The following NELL2 variants were observed in gnomAD, a reference collection of about 807,000 sequenced individuals.
NELL2 encodes the protein neural EGFL like 2.
Under a neutral mutation model 109.6 loss-of-function variants are expected in NELL2, and 41 were observed. The ratio of observed to expected loss-of-function variants is 0.37; its 90% CI spans 0.29 to 0.49. The LOEUF (loss-of-function observed/expected upper bound fraction) is 0.49. NELL2 is among the 20% of genes least tolerant of loss of function. The probability of loss-of-function intolerance (pLI) is 0.98; values close to 1 mark genes in which losing one functional copy is unlikely to be tolerated. For missense variants in NELL2, 900 were observed against 1,008.3 expected (o/e 0.89, Z 1.45); for synonymous variants, 355 against 344.7 (o/e 1.03, Z -0.33).
chr12:44,892,248 G>T (rs933315072), intron 1 of NELL2, among the ~76,000 whole-genome samples: 6 of 152,200 alleles, frequency 3.9e-5, no homozygotes, highest in African/African-American at 1.4e-4. Flanking sequence ...AGGTAGAAAT[G>T]CCATCAGAGT....
intron 12 of NELL2, among the ~76,000 whole-genome samples, chr12:44,702,400 G>A (rs945026596): frequency 4.6e-5 from 7 of 151,922 alleles, no homozygotes; most frequent in East Asian, 1.9e-4. Flanking sequence ...TTACATGATC[G>A]AATATACTTA....
At chr12:44,742,642 C>T (rs565794525) in intron 9 of NELL2, among the ~76,000 whole-genome samples, 1 of 152,146 alleles carries the variant, frequency 6.6e-6, no homozygotes, top group East Asian at 1.9e-4. Flanking sequence ...AACCAAGACA[C>T]TACGTGACAA....
intron 2 of NELL2, among the ~76,000 whole-genome samples, chr12:44,824,505 T>C (rs1354909637): frequency 2.0e-5 from 3 of 152,052 alleles, no homozygotes; most frequent in African/African-American, 7.2e-5. Flanking sequence ...TTGAAGAGAC[T>C]GTCCTTTCCC....
intron 9 of NELL2, among the ~76,000 whole-genome samples, chr12:44,740,870 T>C (rs1008228765): frequency 9.8e-5 from 15 of 152,332 alleles, no homozygotes; most frequent in Middle Eastern, 6.8e-3. Flanking sequence ...ACATGGGTAA[T>C]AGATAAAACT....
chr12:44,762,351 C>T (rs1465841315), intron 9 of NELL2, among the ~76,000 whole-genome samples: 2 of 152,164 alleles, frequency 1.3e-5, no homozygotes, highest in Non-Finnish European at 2.9e-5. Context: ...TCATCCTCAA[C>T]TCCTCTCTTT....
chr12:44,665,632 G>A, intron 12 of NELL2, 23 bp from the exon 13 acceptor site: 1 of 1,604,826 alleles, frequency 6.2e-7, no homozygotes, highest in Non-Finnish European at 8.5e-7. Context: ...ACAGGACAAA[G>A]AGGTCAACAG....
At chr12:44,750,527 A>G (rs1013174623) in intron 9 of NELL2, among the ~76,000 whole-genome samples, 3 of 152,156 alleles carry the variant, frequency 2.0e-5, no homozygotes. Flanking sequence ...AAGGATTACC[A>G]AGGCTAAAAT....
intron 13 of NELL2, among the ~76,000 whole-genome samples, chr12:44,664,134 TATA>T (rs1439002415): frequency 6.6e-6 from 1 of 152,138 alleles, no homozygotes; most frequent in Non-Finnish European, 1.5e-5. Context: ...TTTTATTTAT[TATA>T]ATTTGTTCTT....
At chr12:44,831,620 A>G (rs1943890119) in intron 2 of NELL2, among the ~76,000 whole-genome samples, 1 of 152,212 alleles carries the variant, frequency 6.6e-6, no homozygotes, top group Non-Finnish European at 1.5e-5. Flanking sequence ...CTTTTCAGCT[A>G]AAGTGAACAG....
chr12:44,526,726 C>G (rs1346655436), intron 16 of NELL2, among the ~76,000 whole-genome samples: 1 of 152,330 alleles, frequency 6.6e-6, no homozygotes, highest in Non-Finnish European at 1.5e-5. Flanking sequence ...GAAAGAAGAG[C>G]AAGATTTTGC....
chr12:44,806,995 G>T (rs1010588554), intron 3 of NELL2, among the ~76,000 whole-genome samples: 1 of 151,358 alleles, frequency 6.6e-6, no homozygotes, highest in Non-Finnish European at 1.5e-5. Flanking sequence ...TTATAGATGG[G>T]TTCAAGACTA....
At chr12:44,878,601 T>C (rs1195865292), upstream of NELL2, among the ~76,000 whole-genome samples, 1 of 152,228 alleles carries the variant, frequency 6.6e-6, no homozygotes, top group Admixed American at 6.5e-5. Context: ...CTTTTGACTA[T>C]ATCTCTTTGT....
chr12:44,866,368 A>G (rs1200990211), intron 2 of NELL2, among the ~76,000 whole-genome samples: 1 of 152,244 alleles, frequency 6.6e-6, no homozygotes, highest in East Asian at 1.9e-4. Flanking sequence ...TGGTCAAAAA[A>G]GAAATTAAAA....
chr12:44,760,830 C>T (rs1405973104), intron 9 of NELL2, among the ~76,000 whole-genome samples: 3 of 151,920 alleles, frequency 2.0e-5, no homozygotes, highest in Non-Finnish European at 2.9e-5. Flanking sequence ...AAAAAGAGGA[C>T]AGGGCCTTTT....
chr12:44,812,217 A>C (rs981718192), intron 3 of NELL2, among the ~76,000 whole-genome samples: 23 of 152,140 alleles, frequency 1.5e-4, no homozygotes, highest in African/African-American at 5.3e-4. Flanking sequence ...TGAGCAGGAA[A>C]ACTTGGTTGT....
At position 44,523,600 on chromosome 12, in the gene NELL2, C is replaced by T. The variant is rs1190265813; in HGVS notation, c.1805-116G>A. On this transcript the variant is annotated intron_variant, in intron 16 of 19. Coordinates refer to ENST00000429094, the MANE Select transcript of NELL2 (RefSeq NM_001145108.2). ...TATTCAACTGTAAATTAATTTTCAT[C>T]TTACTGGCTTGCATTTGTGATTAAA... 3.8e-6 allele frequency: 3 copies of T among 787,266 alleles called. No individual in the cohort carries two copies. In the South Asian group the frequency reaches 5.3e-5, roughly 14 times the overall value. The allele number at this position is 787,266 out of a possible 1,614,324, so 48.8% of individuals were successfully genotyped here. A position where few individuals can be genotyped will look rare whatever the true frequency, so the allele number is the denominator to read the frequency against.
chr12:44,701,593 T>C (rs1233472995), intron 12 of NELL2, among the ~76,000 whole-genome samples: 1 of 152,168 alleles, frequency 6.6e-6, no homozygotes, highest in African/African-American at 2.4e-5. Context: ...TTGCTCAGAT[T>C]CCAAATCTTG....
intron 13 of NELL2, among the ~76,000 whole-genome samples, chr12:44,649,246 T>G (rs1037592416): frequency 1.4e-5 from 2 of 141,368 alleles, no homozygotes; most frequent in Admixed American, 7.0e-5. Context: ...CTTGTCTGCC[T>G]GCCTGCCTGC....
intron 5 of NELL2, among the ~76,000 whole-genome samples, chr12:44,778,798 T>C (rs1486302717): frequency 1.3e-5 from 2 of 152,176 alleles, no homozygotes; most frequent in Non-Finnish European, 2.9e-5. Flanking sequence ...AAGGCTACTA[T>C]TAGATGGAAT....
Sources: gnomAD v4.1 joint callset for allele counts (sites outside exome capture counted in the v4.1 genomes callset) on GRCh38, gnomAD v4.1.1 for gene constraint, MANE v1.5 for transcripts, NCBI Gene and HGNC (gene_info 2026-07-23, HGNC 2026-07-21) for gene names.